ADAM23: variants seen among roughly 807,000 people sequenced by gnomAD.
ADAM23 encodes ADAM metallopeptidase domain 23, also known as disintegrin and metalloproteinase domain-containing protein 23.
Under a neutral mutation model 120.1 loss-of-function variants are expected in ADAM23, and 33 were observed. That is an observed-to-expected ratio of 0.27 (90% CI 0.21 to 0.37). The LOEUF (loss-of-function observed/expected upper bound fraction) is 0.37, where lower values mean the gene tolerates loss of function less well. Ranked by LOEUF, ADAM23 falls within the 10% of genes least tolerant of loss-of-function variation. The probability of loss-of-function intolerance (pLI) is 1.00; values close to 1 mark genes in which losing one functional copy is unlikely to be tolerated. For missense variants in ADAM23, 862 were observed against 1,058.2 expected (o/e 0.81, Z 2.57); for synonymous variants, 367 against 375.2 (o/e 0.98, Z 0.25).
intron 3 of ADAM23, among the ~76,000 whole-genome samples, chr2:206,498,975 T>A (rs574531790): frequency 6.2e-4 from 95 of 152,236 alleles, no homozygotes; most frequent in African/African-American, 2.2e-3. Context: ...AGAATGGCGA[T>A]CATTAAAAAG....
rs1276090249 is a variant in ADAM23, at chr2:206,619,281, G to A, written c.*1654G>A. On this transcript the variant is annotated 3_prime_UTR_variant, in exon 26 of 26. Transcript: ENST00000264377. ...TCTTCTCCCTCCAGCCAGATTTGCA[G>A]ATGTAATCTGGGCTTTCCAAGTCCC... is the stretch of plus-strand genomic sequence containing the variant. 1 of 152,154 alleles carries A rather than the reference G, an allele frequency of 6.6e-6. No homozygotes were observed. The highest frequency in any genetic ancestry group is 2.4e-5 in the African/African-American group (1 of 41,430). 9.4% of individuals were successfully genotyped at this position (152,154 alleles called of 1,614,324 possible). A position where few individuals can be genotyped will look rare whatever the true frequency, so the allele number is the denominator to read the frequency against.
intron 2 of ADAM23, among the ~76,000 whole-genome samples, chr2:206,461,363 A>C (rs1266169240): frequency 6.6e-6 from 1 of 152,000 alleles, no homozygotes; most frequent in African/African-American, 2.4e-5. Context: ...GTCTGGCTTG[A>C]AGTAGTTTCC....
chr2:206,572,195 T>G (rs1698014265), intron 17 of ADAM23, among the ~76,000 whole-genome samples: 1 of 152,212 alleles, frequency 6.6e-6, no homozygotes, highest in Non-Finnish European at 1.5e-5. Context: ...TAATTTATTT[T>G]AGACCTGAAC....
chr2:206,477,308 G>T (rs975752891), intron 2 of ADAM23, among the ~76,000 whole-genome samples: 1 of 152,138 alleles, frequency 6.6e-6, no homozygotes. Context: ...AGTGAAGGAG[G>T]TTTGTGTATA....
intron 3 of ADAM23, among the ~76,000 whole-genome samples, chr2:206,483,955 ATGACAGAGCAAGT>A (rs1217326386): frequency 6.6e-6 from 1 of 152,178 alleles, no homozygotes; most frequent in Non-Finnish European, 1.5e-5. Context: ...CTTTTTAATG[ATGACAGAGCAAGT>A]TGGCAGAGCA....
At chr2:206,533,146 A>T (rs1459247463) in intron 4 of ADAM23, among the ~76,000 whole-genome samples, 1 of 152,166 alleles carries the variant, frequency 6.6e-6, no homozygotes, top group African/African-American at 2.4e-5. Context: ...TGGCTAGGTT[A>T]AACTTATTTT....
chr2:206,583,671 A>G (rs1698265622), intron 18 of ADAM23, among the ~76,000 whole-genome samples: 1 of 151,938 alleles, frequency 6.6e-6, no homozygotes, highest in Non-Finnish European at 1.5e-5. Context: ...TTTCCAGAGC[A>G]TTTCACATTC....
intron 4 of ADAM23, among the ~76,000 whole-genome samples, chr2:206,534,964 C>CT (rs201161053): frequency 0.067 from 9,720 of 144,956 alleles, 399 homozygotes; most frequent in Admixed American, 0.15. Flanking sequence ...CTTTTTTTTT[C>CT]TTTTTTTTTT....
chr2:206,577,307 A>T, intron 18 of ADAM23, among the ~76,000 whole-genome samples: 1 of 146,812 alleles, frequency 6.8e-6, no homozygotes, highest in African/African-American at 2.5e-5. Context: ...ACATGTGCAC[A>T]TTGTGCAGGT....
intron 2 of ADAM23, among the ~76,000 whole-genome samples, chr2:206,457,666 C>T (rs929721017): frequency 6.6e-6 from 1 of 152,098 alleles, no homozygotes; most frequent in Non-Finnish European, 1.5e-5. Context: ...GCTTACCTTT[C>T]CTTCTTTAAT....
At chr2:206,548,217 AT>A in intron 7 of ADAM23, 63 bp from the exon 8 acceptor site, 2 of 1,463,274 alleles carry the variant, frequency 1.4e-6, no homozygotes, top group Non-Finnish European at 9.5e-7. Flanking sequence ...TTCATGTAAT[AT>A]TTTAAAACAT....
At chr2:206,450,077 A>G (rs1695161220) in intron 2 of ADAM23, among the ~76,000 whole-genome samples, 1 of 152,316 alleles carries the variant, frequency 6.6e-6, no homozygotes, top group East Asian at 1.9e-4. Context: ...CAGTTGTTCC[A>G]TTGTTGTTGG....
intron 4 of ADAM23, among the ~76,000 whole-genome samples, chr2:206,537,684 C>T (rs1471924642): frequency 1.3e-5 from 2 of 151,808 alleles, no homozygotes; most frequent in African/African-American, 4.8e-5. Context: ...TTTAAAAATT[C>T]GTGTTTGTAT....
chr2:206,560,119 G>A lies in ADAM23; in HGVS notation c.1169+1G>A, dbSNP rs1697732952. 3 of 1,611,942 alleles carry A rather than the reference G, an allele frequency of 1.9e-6. No homozygotes were observed. The highest frequency in any genetic ancestry group is 2.5e-6 in the Non-Finnish European group (3 of 1,178,840). Reference sequence around the variant, plus strand: ...ATGCTGATGCTGTGCACCTCATCTCGTACGTACTCATTTCAGCCTTTAGTG... The same window carrying A: ...ATGCTGATGCTGTGCACCTCATCTCATACGTACTCATTTCAGCCTTTAGTG... On this transcript the variant is annotated splice_donor_variant, in intron 11 of 25. Coordinates refer to ENST00000264377, the MANE Select transcript of ADAM23 (RefSeq NM_003812.4). LOFTEE classifies it high-confidence loss of function.
At chr2:206,504,023 A>G (rs1489986467) in intron 3 of ADAM23, among the ~76,000 whole-genome samples, 2 of 152,154 alleles carry the variant, frequency 1.3e-5, no homozygotes, top group African/African-American at 4.8e-5. Flanking sequence ...TTTACACATT[A>G]AGTAGGTTTT....
At chr2:206,446,533 GTATT>G (rs1312011171) in intron 2 of ADAM23, among the ~76,000 whole-genome samples, 1 of 152,140 alleles carries the variant, frequency 6.6e-6, no homozygotes, top group Non-Finnish European at 1.5e-5. Flanking sequence ...AGTGGTAACA[GTATT>G]TATCCCCATT....
rs578001358 is a variant in ADAM23, at chr2:206,612,921, C to T, written c.2450+2921C>T. Among the ~76,000 whole-genome samples, 3 of 152,158 alleles carry T rather than the reference C, an allele frequency of 2.0e-5. No individual in the cohort carries two copies. In the South Asian group the frequency reaches 6.2e-4, roughly 32 times the overall value. ...TTTTAGTAGATTAGTTGAGTCAGAC[C>T]GCTTTGGTTAATGCAAGCAAGACTT... On this transcript the variant is annotated intron_variant, in intron 25 of 25. Transcript: ENST00000264377.
intron 15 of ADAM23, 118 bp downstream of exon 15, chr2:206,567,440 A>C (rs1432286125): frequency 1.4e-6 from 1 of 691,676 alleles, no homozygotes. Flanking sequence ...AATCAGATTA[A>C]TATTTAGTTA....
In ADAM23 at chr2:206,472,008, A is replaced by G. The variant is rs148257278; in HGVS notation, c.433-9224A>G. Among the ~76,000 whole-genome samples the G allele has an allele frequency of 2.0e-5, 3 of 152,336 alleles. No individual in the cohort carries two copies. The East Asian group carries it at 5.8e-4, about 29-fold the overall frequency. On this transcript the variant is annotated intron_variant, in intron 2 of 25. Coordinates refer to ENST00000264377, the MANE Select transcript of ADAM23 (RefSeq NM_003812.4). ...CCTTAGTTGGCATTGCCAGTTTAAT[A>G]TCCAGCAAACATTAATCACTAACAG... is the stretch of plus-strand genomic sequence containing the variant.
Sources: gnomAD v4.1 joint callset for allele counts (sites outside exome capture counted in the v4.1 genomes callset) on GRCh38, gnomAD v4.1.1 for gene constraint, MANE v1.5 for transcripts, NCBI Gene and HGNC (gene_info 2026-07-23, HGNC 2026-07-21) for gene names.